The following EXTL3 variants were observed in gnomAD, a reference collection of about 807,000 sequenced individuals.
EXTL3 encodes the protein exostosin like glycosyltransferase 3.
Under a neutral mutation model 69.3 loss-of-function variants are expected in EXTL3, and 27 were observed. The observed-to-expected ratio is 0.39, with a 90% confidence interval of 0.29 to 0.54. The LOEUF (loss-of-function observed/expected upper bound fraction) is 0.54. EXTL3 is among the 20% of genes least tolerant of loss of function. The pLI is 0.69. For missense variants in EXTL3, 1,003 were observed against 1,231.8 expected, an observed-to-expected ratio of 0.81 and a Z score of 2.78; for synonymous variants, 511 against 499.4, an observed-to-expected ratio of 1.02 and a Z score of -0.31.
intron 6 of EXTL3, among the ~76,000 whole-genome samples, chr8:28,744,929 C>T (rs1463841894): frequency 6.6e-6 from 1 of 152,192 alleles, no homozygotes; most frequent in Non-Finnish European, 1.5e-5. Flanking sequence ...TGCCAGTGCA[C>T]TCCAGCCTGG....
chr8:28,728,553 G>A (rs1801461869), intron 3 of EXTL3, among the ~76,000 whole-genome samples: 1 of 152,134 alleles, frequency 6.6e-6, no homozygotes, highest in Non-Finnish European at 1.5e-5. Flanking sequence ...GTCTTGAGTT[G>A]GGCAGGACCT....
chr8:28,675,712 G>T (rs1807370323), intron 1 of EXTL3, among the ~76,000 whole-genome samples: 1 of 152,156 alleles, frequency 6.6e-6, no homozygotes, highest in African/African-American at 2.4e-5. Flanking sequence ...TAGCGTTGCA[G>T]CTTTGGGCGT....
At position 28,754,035 on chromosome 8, in the gene EXTL3, T is replaced by TGTGTGTGTGC. The variant is rs1802068765; in HGVS notation, c.*3178_*3179insCGTGTGTGTG. 6.8e-6 allele frequency: 1 copy of TGTGTGTGTGC among 146,802 alleles called. No individual in the cohort carries two copies. The highest frequency in any genetic ancestry group is 2.5e-5 in the African/African-American group (1 of 40,596). 9.1% of individuals were successfully genotyped at this position (146,802 alleles called of 1,614,324 possible). A position where few individuals can be genotyped will look rare whatever the true frequency, so the allele number is the denominator to read the frequency against. ...TTTTTTCATGGGAATTTAAAATGCGTGTGTGTGTGTGTGTGTGTGTGTGTG... is the reference window on the plus strand; with the variant it reads ...TTTTTTCATGGGAATTTAAAATGCGTGTGTGTGTGCGTGTGTGTGTGTGTGTGTGTGTGTG... On this transcript the variant is annotated 3_prime_UTR_variant, in exon 7 of 7. Coordinates refer to ENST00000220562, the MANE Select transcript of EXTL3 (RefSeq NM_001440.4).
chr8:28,746,051 A>G (rs1801881953), intron 6 of EXTL3, among the ~76,000 whole-genome samples: 1 of 152,178 alleles, frequency 6.6e-6, no homozygotes, highest in Non-Finnish European at 1.5e-5. Context: ...TGAATTAAAT[A>G]TTTTATTTAC....
In EXTL3 at chr8:28,717,154, G is replaced by A; in HGVS notation, c.1095G>A (p.Glu365=). 4.3e-6 allele frequency: 7 copies of A among 1,614,238 alleles called. No homozygotes were observed. Among genetic ancestry groups the A allele is most frequent in the Non-Finnish European group, 5.9e-6 (7 of 1,180,036 alleles). Residue 365 remains glutamate (E), a synonymous_variant, in exon 3 of 7, where the codon GAG becomes GAA. Coordinates refer to ENST00000220562, the MANE Select transcript of EXTL3 (RefSeq NM_001440.4). The surrounding 1 kb of genome is among the most constrained non-coding windows in gnomAD (Gnocchi z 8.3). ...TTCAGGAGGCCCGCTCCTTCGAAGA[G>A]GAAATGGAGGGCGACCCTCCCGCCG... ...SSLQEARSFE[E]EMEGDPPADY...
chr8:28,671,366 C>T (rs1359805501), intron 1 of EXTL3, among the ~76,000 whole-genome samples: 4 of 138,170 alleles, frequency 2.9e-5, no homozygotes, highest in Admixed American at 8.0e-5. Context: ...GGCTGGAGTG[C>T]AGTGTCACGA....
At chr8:28,748,935 C>T (rs1008171390) in intron 6 of EXTL3, among the ~76,000 whole-genome samples, 5 of 151,862 alleles carry the variant, frequency 3.3e-5, no homozygotes, top group Non-Finnish European at 1.5e-5. Context: ...ATGGGGAGTC[C>T]CCAGGGAAAA....
chr8:28,754,968 C>G lies in EXTL3; in HGVS notation c.*4102C>G, dbSNP rs1802088065. The G allele has an allele frequency of 6.6e-6, 1 of 152,138 alleles. No homozygotes were observed. The highest frequency in any genetic ancestry group is 2.1e-4 in the South Asian group (1 of 4,834). 9.4% of individuals were successfully genotyped at this position (152,138 alleles called of 1,614,324 possible). Reference sequence around the variant, plus strand: ...AGAATGTAGTGGGTAAAGGTCTGGGCCCTGGAACAGACTGGGTGCAGATCT... The same window carrying G: ...AGAATGTAGTGGGTAAAGGTCTGGGGCCTGGAACAGACTGGGTGCAGATCT... On this transcript the variant is annotated 3_prime_UTR_variant, in exon 7 of 7. Transcript: ENST00000220562.
chr8:28,718,463 T>C (rs1801215730), intron 3 of EXTL3, among the ~76,000 whole-genome samples: 1 of 152,212 alleles, frequency 6.6e-6, no homozygotes, highest in Admixed American at 6.5e-5. Flanking sequence ...ATATTCAATA[T>C]ACAAAACCTT....
rs1016266574 is a variant in EXTL3, at chr8:28,693,505, AT to A, written c.-52-19941del. Among the ~76,000 whole-genome samples, 191 of 143,350 alleles carry A rather than the reference AT, an allele frequency of 1.3e-3. 1 individual carries two copies. The highest frequency in any genetic ancestry group is 3.6e-3 in the Middle Eastern group (1 of 278). 94.0% of individuals were successfully genotyped at this position (143,350 alleles called of 152,430 possible). On this transcript the variant is annotated intron_variant, in intron 1 of 6. Coordinates refer to the EXTL3 transcript ENST00000523149. ...TTTCTAATGTGAAACTTGAATGTTT[AT>A]TTTTTTTTTTATAGCCACATGGCAA...
chr8:28,733,910 C>T (rs1253097617), intron 4 of EXTL3, among the ~76,000 whole-genome samples: 9 of 151,460 alleles, frequency 5.9e-5, no homozygotes, highest in South Asian at 4.2e-4. Flanking sequence ...CTCCACCTCC[C>T]GAGTTCACGC....
At chr8:28,702,128 C>G (rs1389871220) in intron 1 of EXTL3, among the ~76,000 whole-genome samples, 4 of 152,212 alleles carry the variant, frequency 2.6e-5, no homozygotes, top group Non-Finnish European at 1.5e-5. Flanking sequence ...CCGGACTACC[C>G]CCACCCCTTC....
intron 1 of EXTL3, among the ~76,000 whole-genome samples, chr8:28,656,153 G>A (rs1807006633): frequency 6.7e-6 from 1 of 150,264 alleles, no homozygotes; most frequent in Non-Finnish European, 1.5e-5. Flanking sequence ...TTATCCGTGA[G>A]CAATCAGAAG....
chr8:28,650,152 C>T (rs1184555196), intron 1 of EXTL3, among the ~76,000 whole-genome samples: 1 of 147,320 alleles, frequency 6.8e-6, no homozygotes, highest in Non-Finnish European at 1.5e-5. Flanking sequence ...GCCGAGATTG[C>T]ACCACTGCAC....
chr8:28,756,512 G>C (rs1802123827), downstream of EXTL3, among the ~76,000 whole-genome samples: 1 of 152,112 alleles, frequency 6.6e-6, no homozygotes, highest in East Asian at 1.9e-4. Flanking sequence ...ATAGGTACTG[G>C]GGCTTTTTCC....
At chr8:28,656,686 A>G (rs773801526) in intron 1 of EXTL3, among the ~76,000 whole-genome samples, 30 of 152,128 alleles carry the variant, frequency 2.0e-4, no homozygotes, top group African/African-American at 5.6e-4. Context: ...TTTGCATCTA[A>G]TTTTACTGAC....
chr8:28,607,918 C>T lies in EXTL3; in HGVS notation n.314+160C>T, dbSNP rs183612273. 6.7e-4 allele frequency among the ~76,000 whole-genome samples: 102 copies of T among 152,130 alleles called. 1 individual carries two copies. Among genetic ancestry groups the T allele is most frequent in the African/African-American group, 2.1e-3 (88 of 41,450 alleles). The stretch of plus-strand genomic sequence containing the variant: ...ACGAGGTCAGGAGATCGAGACCATC[C>T]TGGCTAACACCATGAAACCCCGTCT... On this transcript the variant is annotated intron_variant and non_coding_transcript_variant, in intron 2 of 4. Coordinates refer to the EXTL3 transcript ENST00000522725.
At chr8:28,704,856 G>T (rs1389004027) in intron 1 of EXTL3, among the ~76,000 whole-genome samples, 1 of 152,122 alleles carries the variant, frequency 6.6e-6, no homozygotes, top group Admixed American at 6.5e-5. Flanking sequence ...TTTCAGTAGA[G>T]ACTGGGTTTC....
At chr8:28,691,822 G>A (rs1003081014) in intron 1 of EXTL3, among the ~76,000 whole-genome samples, 2 of 151,278 alleles carry the variant, frequency 1.3e-5, no homozygotes, top group African/African-American at 4.9e-5. Context: ...ACTTGAACCC[G>A]GGAGGCAGAA....
Sources: allele counts gnomAD v4.1 joint callset (sites outside exome capture counted in the v4.1 genomes callset), GRCh38; gene constraint gnomAD v4.1.1; non-coding constraint Gnocchi (gnomAD v3.1); transcripts MANE v1.5; gene names NCBI Gene and HGNC (gene_info 2026-07-23, HGNC 2026-07-21).